HELB: variants seen among roughly 807,000 people sequenced by gnomAD.
HELB encodes DNA 5'-3' helicase B.
HELB carries 96 observed loss-of-function variants against 101.7 expected under a neutral mutation model. The ratio of observed to expected loss-of-function variants is 0.94; its 90% CI spans 0.80 to 1.12. HELB has a LOEUF of 1.12. Among genes scored for constraint, HELB ranks in the 50% most tolerant of loss-of-function variants. The probability of loss-of-function intolerance (pLI) is 0.00; values close to 1 mark genes in which losing one functional copy is unlikely to be tolerated. For synonymous variants in HELB, 437 were observed against 459.7 expected (o/e 0.95, Z 0.63); for missense variants, 1,210 against 1,291.9 (o/e 0.94, Z 0.97).
At chr12:66,320,199 T>TA (rs1006386056) in intron 7 of HELB, among the ~76,000 whole-genome samples, 30 of 148,644 alleles carry the variant, frequency 2.0e-4, no homozygotes, top group South Asian at 1.5e-3. Context: ...TTATACTCTT[T>TA]AAAAAAAAAA....
At position 66,309,994 on chromosome 12, in the gene HELB, C is replaced by T. The variant is rs1237124573; in HGVS notation, c.1066C>T (p.Leu356Phe). Residue 356 changes from leucine to phenylalanine, a missense_variant, in exon 4 of 13, where the codon CTT becomes TTT. Transcript: ENST00000247815. ...GAAGTCCTGTGTCTTCCCTTATGAC[C>T]TTTACCATGCTGAAAGAGCCATCGC... ...YEKSCVFPYDLYHAERAIAFS... is the reference protein window; with the variant it reads ...YEKSCVFPYDFYHAERAIAFS... The T allele has an allele frequency of 6.2e-7, 1 of 1,614,192 alleles. No homozygotes were observed. Among genetic ancestry groups the T allele is most frequent in the Non-Finnish European group, 8.5e-7 (1 of 1,180,034 alleles).
rs761337598 is a variant in HELB at position 66,331,254 on chromosome 12, A to G, written c.2771A>G (p.Tyr924Cys). The change falls in exon 12 of 13, where the codon TAT (tyrosine) becomes TGT (cysteine). Residue 924 changes from tyrosine to cysteine, a missense_variant. Tyr to Cys is a radical substitution (Grantham distance 194, BLOSUM62 -2). Transcript: ENST00000247815. The part of the protein sequence containing the change: ...TAVTRGRCRV[Y>C]VIAEESQLRN... ...GTGACCAGGGGCCGCTGCCGAGTGT[A>G]TGTGATTGCAGAGGAGTCTCAGCTC... 6.8e-6 allele frequency: 11 copies of G among 1,614,146 alleles called. No individual in the cohort carries two copies. The highest frequency in any genetic ancestry group is 8.5e-6 in the Non-Finnish European group (10 of 1,180,056).
chr12:66,315,301 A>G lies in HELB; in HGVS notation c.1918A>G (p.Thr640Ala). 6.2e-7 allele frequency: 1 copy of G among 1,607,932 alleles called. No homozygotes were observed. Among genetic ancestry groups the G allele is most frequent in the South Asian group, 1.1e-5 (1 of 90,166 alleles). The part of the protein sequence containing the change: ...PGNLLKDLFE[T>A]LKSRNCAIEL... ...TAACTTGCTGAAAGATCTTTTTGAG[A>G]CTCTTAAGTCAAGAAATTGTGCTAT... The change falls in exon 6 of 13, where the codon ACT (threonine) becomes GCT (alanine). Residue 640 changes from threonine (T) to alanine (A), a missense_variant. By Grantham distance (58) the Thr-to-Ala change is moderately conservative. This residue lies in a region of HELB where 740 missense variants were observed against 728.8 expected (regional missense o/e 1.02). Transcript: ENST00000247815.
Position 66,304,797 on chromosome 12 carries a change from C to T in HELB, c.254C>T (p.Ala85Val), listed in dbSNP as rs756592255. Residue 85 changes from alanine to valine, a missense_variant, in exon 2 of 13, where the codon GCT (alanine) becomes GTT (valine). Physicochemically the swap from Ala to Val is moderately conservative, Grantham distance 64. Coordinates refer to ENST00000247815, the MANE Select transcript of HELB (RefSeq NM_001370285.1). The part of the protein sequence containing the change: ...KVFGRFPITG[A>V]WWRVKVQVKP... The stretch of plus-strand genomic sequence containing the variant: ...TTTGGACGTTTTCCGATAACAGGTG[C>T]TTGGTGGAGAGTGAAGGTACAAGTA... 1.2e-5 allele frequency: 19 copies of T among 1,613,754 alleles called. No individual in the cohort carries two copies. In the Admixed American group the frequency reaches 3.0e-4, roughly 25 times the overall value.
At chr12:66,322,157 G>T (rs377424470) in intron 8 of HELB, 128 bp downstream of exon 8, 87 of 539,104 alleles carry the variant, frequency 1.6e-4, no homozygotes, top group African/African-American at 1.3e-3. Context: ...TTATTTTGGG[G>T]TATGTCTTTG....
intron 2 of HELB, 94 bp downstream of exon 2, chr12:66,305,244 A>C: frequency 4.9e-6 from 4 of 815,738 alleles, no homozygotes; most frequent in Non-Finnish European, 7.7e-6. Flanking sequence ...TATTCTTTTT[A>C]AAAATCCATT....
chr12:66,308,043 TAAA>T (rs10686380), intron 3 of HELB, among the ~76,000 whole-genome samples: 1 of 108,052 alleles, frequency 9.3e-6, no homozygotes, highest in Non-Finnish European at 1.8e-5. Context: ...CTACCTCCTC[TAAA>T]AAAAAAAAAA....
intron 1 of HELB, among the ~76,000 whole-genome samples, 165 bp from the exon 2 acceptor site, chr12:66,304,564 GAA>G (rs1198017094): frequency 2.6e-5 from 4 of 152,170 alleles, no homozygotes; most frequent in Non-Finnish European, 5.9e-5. Flanking sequence ...GAGGGAGACA[GAA>G]AAAGAGGTAG....
intron 7 of HELB, chr12:66,321,417 A>C (rs1388961536): frequency 3.3e-5 from 5 of 152,872 alleles, no homozygotes; most frequent in African/African-American, 1.2e-4. Flanking sequence ...TTTTCCAGCT[A>C]ATATGGAAGT....
chr12:66,304,425 A>C (rs2053447383), intron 1 of HELB, among the ~76,000 whole-genome samples: 1 of 152,230 alleles, frequency 6.6e-6, no homozygotes. Context: ...TATTGGCTGA[A>C]GTCAAGAGTA....
At chr12:66,314,256 A>C in intron 5 of HELB, 93 bp downstream of exon 5, 1 of 1,074,072 alleles carries the variant, frequency 9.3e-7, no homozygotes, top group Non-Finnish European at 1.4e-6. Flanking sequence ...TTTACACCAG[A>C]ATTGATACCA....
intron 1 of HELB, 28 bp from the exon 2 acceptor site, chr12:66,304,703 T>C (rs1019177012): frequency 7.7e-6 from 12 of 1,560,150 alleles, no homozygotes; most frequent in Non-Finnish European, 9.5e-6. Context: ...GAGTTAACTT[T>C]TGTGGGTTTT....
chr12:66,318,838 A>G, intron 7 of HELB, 46 bp downstream of exon 7: 1 of 1,430,474 alleles, frequency 7.0e-7, no homozygotes, highest in Non-Finnish European at 9.5e-7. Flanking sequence ...ATAACTATTT[A>G]AGTTTTGTAA....
chr12:66,315,380 C>T lies in HELB; in HGVS notation c.1997C>T (p.Thr666Ile). 6.3e-7 allele frequency: 1 copy of T among 1,580,578 alleles called. No individual in the cohort carries two copies. The highest frequency in any genetic ancestry group is 8.6e-7 in the Non-Finnish European group (1 of 1,166,638). The change falls in exon 6 of 13, where the codon ACA becomes ATA. Residue 666 changes from threonine to isoleucine, a missense_variant. Thr to Ile is a moderately conservative substitution (Grantham distance 89). Coordinates refer to ENST00000247815, the MANE Select transcript of HELB (RefSeq NM_001370285.1). ...TCTCAGCTCATTGTGGACAATGCTA[C>T]AAGGTATAATATTACTAAGAGTTTG... The part of the protein sequence containing the change: ...AESQLIVDNA[T>I]RISRRQFPKF...
chr12:66,320,197 T>TC (rs1449200630), intron 7 of HELB, among the ~76,000 whole-genome samples: 1 of 152,086 alleles, frequency 6.6e-6, no homozygotes, highest in East Asian at 1.9e-4. Context: ...ATTTATACTC[T>TC]TTAAAAAAAA....
At chr12:66,304,596 G>A (rs1389212538) in intron 1 of HELB, 135 bp from the exon 2 acceptor site, 6 of 731,740 alleles carry the variant, frequency 8.2e-6, no homozygotes, top group Non-Finnish European at 1.3e-5. Context: ...AGTGTTACAG[G>A]CACCCTACCA....
In HELB at chr12:66,315,292, CT is replaced by C. The variant is rs752601174; in HGVS notation, c.1914del (p.Phe638LeufsTer13). 6.2e-7 allele frequency: 1 copy of C among 1,608,060 alleles called. No homozygotes were observed. ...TGAACCTGGTAACTTGCTGAAAGAT[CT>C]TTTTGAGACTCTTAAGTCAAGAAAT... is the stretch of plus-strand genomic sequence containing the variant. ...SIEPGNLLKDLFETLKSRNCA... is the reference protein window; with the variant it reads ...SIEPGNLLKDXFETLKSRNCA... On this transcript the variant is annotated frameshift_variant, in exon 6 of 13. Coordinates refer to ENST00000247815, the MANE Select transcript of HELB (RefSeq NM_001370285.1). LOFTEE classifies it high-confidence loss of function.
At position 66,318,638 on chromosome 12, in the gene HELB, A is replaced by C; in HGVS notation, c.2001A>C (p.Arg667Ser). 4 of 1,593,698 alleles carry C rather than the reference A, an allele frequency of 2.5e-6. No individual in the cohort carries two copies. Among genetic ancestry groups the C allele is most frequent in the Non-Finnish European group, 3.4e-6 (4 of 1,175,050 alleles). Residue 667 changes from arginine to serine, a missense_variant and splice_region_variant, in exon 7 of 13, where the codon AGA (arginine) becomes AGC (serine). Arg to Ser is a moderately radical substitution (Grantham distance 110). Coordinates refer to ENST00000247815, the MANE Select transcript of HELB (RefSeq NM_001370285.1). ...TGTGTGTGTGTTATCTTTATTCAAG[A>C]ATCTCAAGACGCCAATTTCCAAAAT... The part of the protein sequence containing the change: ...ESQLIVDNAT[R>S]ISRRQFPKFD...
intron 11 of HELB, among the ~76,000 whole-genome samples, chr12:66,329,943 G>A (rs774881935): frequency 1.3e-5 from 2 of 152,006 alleles, no homozygotes; most frequent in Non-Finnish European, 2.9e-5. Context: ...CAGCAACATC[G>A]GAAAGATGTA....
Sources: gnomAD v4.1 joint callset for allele counts (sites outside exome capture counted in the v4.1 genomes callset) on GRCh38, gnomAD v4.1.1 for gene constraint, gnomAD v4.1.1 regional missense constraint, MANE v1.5 for transcripts, NCBI Gene and HGNC (gene_info 2026-07-23, HGNC 2026-07-21) for gene names.